CHSY3: variants seen among roughly 807,000 people sequenced by gnomAD.
CHSY3 encodes the protein N-acetylgalactosaminyl-proteoglycan 3-beta-glucuronosyltransferase 3.
In CHSY3, 35 loss-of-function variants were observed where a neutral mutation model predicts 67.2. The ratio of observed to expected loss-of-function variants is 0.52; its 90% CI spans 0.40 to 0.69. The LOEUF (loss-of-function observed/expected upper bound fraction) is 0.69. Among genes scored for constraint, CHSY3 ranks in the 30% least tolerant of loss-of-function variants. CHSY3 has a pLI of 0.00. For synonymous variants in CHSY3, 474 were observed against 434.7 expected, an observed-to-expected ratio of 1.09 and a Z score of -1.12; for missense variants, 1,069 against 1,138.5, an observed-to-expected ratio of 0.94 and a Z score of 0.88.
Position 129,908,301 on chromosome 5 carries a change from G to A in CHSY3, c.1027G>A (p.Val343Met), listed in dbSNP as rs1357437935. 1.2e-6 allele frequency: 2 copies of A among 1,614,138 alleles called. No homozygotes were observed. Among genetic ancestry groups the A allele is most frequent in the Admixed American group, 3.3e-5 (2 of 60,022 alleles). Residue 343 changes from valine (V) to methionine (M), a missense_variant, in exon 2 of 3, where the codon GTG (valine) becomes ATG (methionine). Transcript: ENST00000305031. ...AGAAATGTACACGACTCATGAGGAT[G>A]TGGAAGTAGGAAGATGCGTTCGCCG... ...LREMYTTHEDVEVGRCVRRFG... is the reference protein window; with the variant it reads ...LREMYTTHEDMEVGRCVRRFG...
chr5:130,020,457 ATATATT>A (rs1291268196), intron 2 of CHSY3, among the ~76,000 whole-genome samples: 1 of 5,538 alleles, frequency 1.8e-4, no homozygotes, highest in Admixed American at 3.3e-3. Flanking sequence ...ATATATATAT[ATATATT>A]TTTTTTTTTT....
At chr5:130,002,014 A>T in intron 2 of CHSY3, 1 of 876,214 alleles carries the variant, frequency 1.1e-6, no homozygotes, top group Non-Finnish European at 1.4e-6. Flanking sequence ...CTACTCTCTA[A>T]GTCCTTTTTC....
intron 2 of CHSY3, among the ~76,000 whole-genome samples, chr5:129,934,858 C>A (rs1213714716): frequency 6.6e-6 from 1 of 152,144 alleles, no homozygotes; most frequent in African/African-American, 2.4e-5. Flanking sequence ...CTGAGAGGGA[C>A]TTTGCAGAGT....
chr5:130,184,740 A>G lies in CHSY3; in HGVS notation c.1598A>G (p.His533Arg), dbSNP rs141689788. 53 of 1,605,272 alleles carry G rather than the reference A, an allele frequency of 3.3e-5. No individual in the cohort carries two copies. Among genetic ancestry groups the G allele is most frequent in the Non-Finnish European group, 3.9e-5 (46 of 1,171,948 alleles). The stretch of plus-strand genomic sequence containing the variant: ...GGCTACCGCAGAGTTAACCCCATGC[A>G]CGGGGTGGAGTACATTTTGGATTTA... Reference protein sequence around the residue: ...QYGYRRVNPMHGVEYILDLLL... With the variant: ...QYGYRRVNPMRGVEYILDLLL... Residue 533 changes from histidine (H) to arginine (R), a missense_variant, in exon 3 of 3, where the codon CAC (histidine) becomes CGC (arginine). His to Arg is a conservative substitution (Grantham distance 29). Coordinates refer to ENST00000305031, the MANE Select transcript of CHSY3 (RefSeq NM_175856.5).
intron 2 of CHSY3, among the ~76,000 whole-genome samples, chr5:129,949,930 G>A (rs1439921319): frequency 6.6e-6 from 1 of 152,094 alleles, no homozygotes; most frequent in Non-Finnish European, 1.5e-5. Flanking sequence ...TTGGGAGGCT[G>A]AGGGGGGTGG....
intron 2 of CHSY3, among the ~76,000 whole-genome samples, chr5:130,089,667 T>G (rs1165166228): frequency 6.6e-6 from 1 of 152,186 alleles, no homozygotes; most frequent in Non-Finnish European, 1.5e-5. Flanking sequence ...ACATGAAACA[T>G]GATCACTGCT....
chr5:130,062,399 T>A (rs1353804449), intron 2 of CHSY3, among the ~76,000 whole-genome samples: 1 of 151,914 alleles, frequency 6.6e-6, no homozygotes, highest in Non-Finnish European at 1.5e-5. Context: ...ACTCCAAAAG[T>A]GGAGAGGCTG....
At position 129,967,495 on chromosome 5, in the gene CHSY3, A is replaced by G. The variant is rs1476970662; in HGVS notation, c.1086+59135A>G. On this transcript the variant is annotated intron_variant, in intron 2 of 2. Coordinates refer to ENST00000305031, the MANE Select transcript of CHSY3 (RefSeq NM_175856.5). The stretch of plus-strand genomic sequence containing the variant: ...TTCCTGCTAAATATGGCATTTATTT[A>G]AAAGATCTAATATTTACCAGTCGCT... 5.3e-5 allele frequency among the ~76,000 whole-genome samples: 8 copies of G among 152,018 alleles called. 1 individual carries two copies. The highest frequency in any genetic ancestry group is 4.6e-4 in the Admixed American group (7 of 15,226).
intron 2 of CHSY3, among the ~76,000 whole-genome samples, chr5:130,003,427 T>A (rs1763790017): frequency 6.6e-6 from 1 of 152,144 alleles, no homozygotes; most frequent in Non-Finnish European, 1.5e-5. Context: ...GTGAACTAAT[T>A]TGAAAATAAA....
At chr5:129,973,294 A>T (rs1267404958) in intron 2 of CHSY3, among the ~76,000 whole-genome samples, 1 of 152,086 alleles carries the variant, frequency 6.6e-6, no homozygotes, top group Non-Finnish European at 1.5e-5. Context: ...TACACTTTTT[A>T]TGAAGAATTT....
At chr5:130,019,151 T>A (rs1764295237) in intron 2 of CHSY3, among the ~76,000 whole-genome samples, 1 of 152,096 alleles carries the variant, frequency 6.6e-6, no homozygotes. Context: ...GAAAAAAATT[T>A]TTTTTTCTAA....
rs185128202 is a variant in CHSY3 at position 129,940,684 on chromosome 5, T to A, written c.1086+32324T>A. Among the ~76,000 whole-genome samples the A allele has an allele frequency of 5.9e-5, 9 of 152,208 alleles. No homozygotes were observed. The East Asian group carries it at 1.7e-3, about 29-fold the overall frequency. On this transcript the variant is annotated intron_variant, in intron 2 of 2. Coordinates refer to ENST00000305031, the MANE Select transcript of CHSY3 (RefSeq NM_175856.5). ...TTATGCATGTGTGTGTGTGAGTGTG[T>A]GTGTGTATGCCGATGTATGTATATA...
chr5:129,939,411 CAA>C (rs1761626200), intron 2 of CHSY3, among the ~76,000 whole-genome samples: 1 of 152,120 alleles, frequency 6.6e-6, no homozygotes, highest in Non-Finnish European at 1.5e-5. Flanking sequence ...TCACTCTTGT[CAA>C]AAGAATTTTT....
At chr5:130,176,299 G>A (rs2149735035) in intron 2 of CHSY3, among the ~76,000 whole-genome samples, 1 of 152,226 alleles carries the variant, frequency 6.6e-6, no homozygotes, top group Non-Finnish European at 1.5e-5. Flanking sequence ...AAACCACAAT[G>A]AGATATCATC....
intron 2 of CHSY3, among the ~76,000 whole-genome samples, chr5:129,945,693 G>A (rs1761832403): frequency 2.0e-5 from 3 of 152,026 alleles, no homozygotes; most frequent in Admixed American, 2.0e-4. Context: ...AAAAATTGAG[G>A]ATTTCTCACT....
intron 2 of CHSY3, among the ~76,000 whole-genome samples, chr5:130,078,815 C>A (rs1342564435): frequency 6.6e-6 from 1 of 152,156 alleles, no homozygotes; most frequent in African/African-American, 2.4e-5. Flanking sequence ...GGGAAGAAGA[C>A]AGGCAGCTGT....
At position 130,131,361 on chromosome 5, in the gene CHSY3, T is replaced by C. The variant is rs112632084; in HGVS notation, c.1087-52868T>C. Among the ~76,000 whole-genome samples the C allele has an allele frequency of 3.0e-3, 458 of 152,280 alleles. 2 individuals carry two copies. The highest frequency in any genetic ancestry group is 0.011 in the African/African-American group (441 of 41,562). Reference sequence around the variant, plus strand: ...TAGCCTCCTGACTCTCTCTGCTGTTTCCACTCAACTTTCCATATAGAAGGA... The same window carrying C: ...TAGCCTCCTGACTCTCTCTGCTGTTCCCACTCAACTTTCCATATAGAAGGA... On this transcript the variant is annotated intron_variant, in intron 2 of 2. Transcript: ENST00000305031.
intron 2 of CHSY3, among the ~76,000 whole-genome samples, chr5:130,085,127 G>A (rs1766571669): frequency 1.3e-5 from 2 of 152,004 alleles, no homozygotes; most frequent in Admixed American, 6.6e-5. Flanking sequence ...CCCTGGCCAA[G>A]GGGGATGGTT....
At chr5:129,908,010 T>G in intron 1 of CHSY3, 67 bp from the exon 2 acceptor site, 1 of 1,549,766 alleles carries the variant, frequency 6.5e-7, no homozygotes, top group South Asian at 1.3e-5. Context: ...GTTCTGTCCC[T>G]TACCTTGTAC....
Sources: gnomAD v4.1 joint callset for allele counts (sites outside exome capture counted in the v4.1 genomes callset) on GRCh38, gnomAD v4.1.1 for gene constraint, MANE v1.5 for transcripts, NCBI Gene and HGNC (gene_info 2026-07-23, HGNC 2026-07-21) for gene names.